The following COL13A1 variants were observed in gnomAD, a reference collection of about 807,000 sequenced individuals.
The protein encoded by COL13A1 is collagen type XIII alpha 1 chain, also known as collagen alpha-1(XIII) chain.
COL13A1 carries 89 observed loss-of-function variants against 130.9 expected under a neutral mutation model. That is an observed-to-expected ratio of 0.68 (90% confidence interval 0.57 to 0.81). The LOEUF is 0.81. Ranked by LOEUF, COL13A1 falls within the 30% of genes least tolerant of loss-of-function variation. The pLI, the probability that COL13A1 is intolerant of heterozygous loss-of-function variation, is 0.00. For missense variants in COL13A1, 879 were observed against 934.6 expected (o/e 0.94, Z 0.78); for synonymous variants, 402 against 341.6 (o/e 1.18, Z -1.95).
chr10:69,930,286 C>T (rs140285586), intron 29 of COL13A1, 114 bp from the exon 30 acceptor site: 3 of 1,155,008 alleles, frequency 2.6e-6, no homozygotes, highest in African/African-American at 3.1e-5. Flanking sequence ...GCTGTCTCTG[C>T]CTGCCCCAGA....
intron 2 of COL13A1, among the ~76,000 whole-genome samples, chr10:69,833,834 G>A (rs1203588154): frequency 6.6e-6 from 1 of 152,222 alleles, no homozygotes; most frequent in African/African-American, 2.4e-5. Flanking sequence ...GCGGAGGGAT[G>A]GAGTAGGAGG....
At chr10:69,803,154 A>G (rs1188415076) in intron 1 of COL13A1, among the ~76,000 whole-genome samples, 1 of 151,970 alleles carries the variant, frequency 6.6e-6, no homozygotes, top group African/African-American at 2.4e-5. Context: ...CTCCCCCTCC[A>G]CCCCTTAAGG....
Position 69,906,315 on chromosome 10 carries a change from T to G in COL13A1, c.921+493T>G, listed in dbSNP as rs1259005915. ...GTTTACTGACTCTCTGTCACAATTC[T>G]GTGGATTGACAGTCTGGGAATTCTG... On this transcript the variant is annotated intron_variant, in intron 17 of 40. Transcript: ENST00000645393. Among the ~76,000 whole-genome samples the G allele has an allele frequency of 3.3e-5, 5 of 152,342 alleles. No individual in the cohort carries two copies. The East Asian group carries it at 9.7e-4, about 29-fold the overall frequency.
At chr10:69,890,249 G>A (rs888878905) in intron 10 of COL13A1, among the ~76,000 whole-genome samples, 16 of 152,166 alleles carry the variant, frequency 1.1e-4, no homozygotes, top group Admixed American at 5.2e-4. Context: ...CTCACGGTGG[G>A]CCAGATCTCA....
intron 1 of COL13A1, among the ~76,000 whole-genome samples, chr10:69,822,137 G>A (rs1306758843): frequency 6.6e-6 from 1 of 152,200 alleles, no homozygotes; most frequent in Middle Eastern, 3.2e-3. Context: ...ATTTCTTTAA[G>A]AGTGCTCCAA....
At chr10:69,900,067 G>A (rs527580014) in intron 14 of COL13A1, among the ~76,000 whole-genome samples, 37 of 152,264 alleles carry the variant, frequency 2.4e-4, no homozygotes, top group African/African-American at 7.9e-4. Flanking sequence ...GAGAGCCTCC[G>A]TGTGCCCGAG....
intron 2 of COL13A1, among the ~76,000 whole-genome samples, chr10:69,858,250 A>G (rs1055442269): frequency 4.6e-5 from 7 of 152,180 alleles, no homozygotes; most frequent in Non-Finnish European, 1.0e-4. Flanking sequence ...CTTCATAACC[A>G]TAACAATTGT....
intron 7 of COL13A1, 33 bp from the exon 8 acceptor site, chr10:69,887,423 A>G (rs1045309089): frequency 6.2e-7 from 1 of 1,608,274 alleles, no homozygotes; most frequent in Non-Finnish European, 8.5e-7. Flanking sequence ...CTCCTTGCTC[A>G]ATCTCATGTG....
At chr10:69,924,560 C>T (rs1397676286) in intron 24 of COL13A1, among the ~76,000 whole-genome samples, 1 of 151,702 alleles carries the variant, frequency 6.6e-6, no homozygotes, top group Non-Finnish European at 1.5e-5. Context: ...TGTGTGGGCT[C>T]TCGATGGCAA....
At position 69,958,973 on chromosome 10, in the gene COL13A1, T is replaced by C. The variant is rs1307396481; in HGVS notation, c.*272T>C. The C allele has an allele frequency of 3.3e-5, 15 of 451,132 alleles. No homozygotes were observed. Among genetic ancestry groups the C allele is most frequent in the Non-Finnish European group, 3.9e-6 (1 of 256,362 alleles). 27.9% of individuals were successfully genotyped at this position (451,132 alleles called of 1,614,324 possible). A position where few individuals can be genotyped will look rare whatever the true frequency, so the allele number is the denominator to read the frequency against. On this transcript the variant is annotated 3_prime_UTR_variant, in exon 41 of 41. Transcript: ENST00000645393. ...ACATTTATTAAGTATCGAAGCTTAA[T>C]AAATTATTGTGTCCTGGTGCCAAAG...
At chr10:69,922,153 G>T (rs564693793) in intron 22 of COL13A1, among the ~76,000 whole-genome samples, 12 of 152,206 alleles carry the variant, frequency 7.9e-5, no homozygotes, top group Non-Finnish European at 1.8e-4. Flanking sequence ...GAATTCGGTA[G>T]TGATGACCTG....
chr10:69,946,226 T>C (rs1419966699), intron 37 of COL13A1, among the ~76,000 whole-genome samples: 2 of 152,210 alleles, frequency 1.3e-5, no homozygotes, highest in African/African-American at 2.4e-5. Context: ...CATTGCGCTG[T>C]GAGAGGACCA....
chr10:69,945,691 G>A lies in COL13A1; in HGVS notation c.1989G>A (p.Gly663=), dbSNP rs773124273. ...TTCAGGGCAGCAAAGGAGACCCTGG[G>A]ATGACAGGACCAACGGGAGCAGCTG... ...KGERGSKGDP[G]MTGPTGAAGL... Residue 663 remains glycine, a synonymous_variant, in exon 37 of 41, where the codon GGG becomes GGA. Coordinates refer to ENST00000645393, the MANE Select transcript of COL13A1 (RefSeq NM_001368882.1). 7 of 1,613,088 alleles carry A rather than the reference G, an allele frequency of 4.3e-6. No individual in the cohort carries two copies. In the South Asian group the frequency reaches 7.7e-5, roughly 18 times the overall value.
chr10:69,840,883 C>T (rs897779000), intron 2 of COL13A1, among the ~76,000 whole-genome samples: 2 of 152,140 alleles, frequency 1.3e-5, no homozygotes, highest in Non-Finnish European at 2.9e-5. Flanking sequence ...GTTCCCCTGC[C>T]CCCTGGCTCT....
chr10:69,867,860 G>A (rs1440479604), intron 3 of COL13A1, 55 bp downstream of exon 3: 1 of 717,936 alleles, frequency 1.4e-6, no homozygotes. Flanking sequence ...TCACCTGCTG[G>A]TAACGGGGTT....
intron 38 of COL13A1, among the ~76,000 whole-genome samples, chr10:69,951,166 C>T (rs780042398): frequency 1.3e-5 from 2 of 151,880 alleles, no homozygotes; most frequent in Non-Finnish European, 1.5e-5. Context: ...TTCTTATCCT[C>T]TGCCTTCCTC....
At chr10:69,956,308 G>A (rs1054389378) in intron 39 of COL13A1, 4 of 152,250 alleles carry the variant, frequency 2.6e-5, no homozygotes, top group Non-Finnish European at 5.9e-5. Flanking sequence ...GGAGCTGCAT[G>A]GTTGCTACCA....
intron 2 of COL13A1, among the ~76,000 whole-genome samples, chr10:69,853,034 AG>A (rs1490509273): frequency 2.0e-5 from 3 of 151,888 alleles, no homozygotes; most frequent in Middle Eastern, 3.4e-3. Flanking sequence ...AGGTATGGGG[AG>A]GGGGCTCTGT....
chr10:69,917,345 T>A lies in COL13A1; in HGVS notation c.966+12T>A, dbSNP rs1174457897. 1 of 1,611,770 alleles carries A rather than the reference T, an allele frequency of 6.2e-7. No individual in the cohort carries two copies. Among genetic ancestry groups the A allele is most frequent in the Non-Finnish European group, 8.5e-7 (1 of 1,178,704 alleles). On this transcript the variant is annotated intron_variant, in intron 18 of 40. Transcript: ENST00000645393. ...AGCATGGAGCCAAGGTACCTCCCCCTTCCCCACATCCCAGGCAGCCCCAAG... is the reference window on the plus strand; with the variant it reads ...AGCATGGAGCCAAGGTACCTCCCCCATCCCCACATCCCAGGCAGCCCCAAG...
Sources: allele counts gnomAD v4.1 joint callset (sites outside exome capture counted in the v4.1 genomes callset), GRCh38; gene constraint gnomAD v4.1.1; transcripts MANE v1.5; gene names NCBI Gene and HGNC (gene_info 2026-07-23, HGNC 2026-07-21).